The following HIVEP1 variants were observed in gnomAD, a reference collection of about 807,000 sequenced individuals.
HIVEP1 encodes the protein HIVEP zinc finger 1.
A neutral mutation model predicts 180.0 loss-of-function variants in HIVEP1; 36 were observed. The observed-to-expected ratio is 0.20, with a 90% confidence interval of 0.15 to 0.26. The LOEUF (loss-of-function observed/expected upper bound fraction) is 0.26, where lower values mean the gene tolerates loss of function less well. Among genes scored for constraint, HIVEP1 ranks in the 10% least tolerant of loss-of-function variants. HIVEP1 has a pLI of 1.00. For missense variants in HIVEP1, 3,143 were observed against 3,268.7 expected, an observed-to-expected ratio of 0.96 and a Z score of 0.94; for synonymous variants, 1,239 against 1,239.0, an observed-to-expected ratio of 1.00 and a Z score of 0.00.
chr6:12,073,195 G>A (rs1444306485), intron 2 of HIVEP1, among the ~76,000 whole-genome samples: 1 of 152,206 alleles, frequency 6.6e-6, no homozygotes, highest in Non-Finnish European at 1.5e-5. Context: ...TGAAGTTTCA[G>A]TGGAAATAGA....
chr6:12,117,709 A>G (rs1775308683), intron 3 of HIVEP1, among the ~76,000 whole-genome samples: 1 of 152,242 alleles, frequency 6.6e-6, no homozygotes. Flanking sequence ...CTCTGGTTGA[A>G]TAGGTCCTGG....
chr6:12,061,056 G>T (rs1771196101), intron 2 of HIVEP1, among the ~76,000 whole-genome samples: 1 of 152,084 alleles, frequency 6.6e-6, no homozygotes, highest in Admixed American at 6.5e-5. Flanking sequence ...GGGGCAGGGA[G>T]CTCAGGTGTG....
intron 2 of HIVEP1, among the ~76,000 whole-genome samples, chr6:12,078,538 C>A (rs183992067): frequency 1.3e-5 from 2 of 151,474 alleles, no homozygotes; most frequent in African/African-American, 4.8e-5. Flanking sequence ...GAGTTCACTA[C>A]ACTTAGTGGC....
At position 12,161,770 on chromosome 6, in the gene HIVEP1, T is replaced by C. The variant is rs1760418855; in HGVS notation, c.6819T>C (p.Ser2273=). The change falls in exon 8 of 9, where the codon TCT becomes TCC. Residue 2273 remains serine, a synonymous_variant. Coordinates refer to ENST00000379388, the MANE Select transcript of HIVEP1 (RefSeq NM_002114.4). Reference sequence around the variant, plus strand: ...CTGACTACAATAGGAAGACACTCTCTCCGGGGAAGGCCAGGCAGCGTGCTG... The same window carrying C: ...CTGACTACAATAGGAAGACACTCTCCCCGGGGAAGGCCAGGCAGCGTGCTG... The part of the protein sequence containing the change: ...AQSDYNRKTL[S]PGKARQRAAR... The C allele has an allele frequency of 1.2e-6, 2 of 1,613,900 alleles. No homozygotes were observed. Among genetic ancestry groups the C allele is most frequent in the Non-Finnish European group, 1.7e-6 (2 of 1,179,974 alleles).
At chr6:12,177,870 TTGTAA>T in the HIVEP1 span, among the ~76,000 whole-genome samples, 2 of 152,224 alleles carry the variant, frequency 1.3e-5, no homozygotes, top group African/African-American at 2.4e-5. Flanking sequence ...AAATTTATAC[TTGTAA>T]TGTAAAATAT....
At position 12,030,547 on chromosome 6, in the gene HIVEP1, T is replaced by G. The variant is rs1211027064; in HGVS notation, c.40+14879T>G. 2.0e-5 allele frequency among the ~76,000 whole-genome samples: 3 copies of G among 152,340 alleles called. No homozygotes were observed. The East Asian group carries it at 5.8e-4, about 29-fold the overall frequency. On this transcript the variant is annotated intron_variant, in intron 2 of 8. Coordinates refer to ENST00000379388, the MANE Select transcript of HIVEP1 (RefSeq NM_002114.4). Reference sequence around the variant, plus strand: ...ATTGTTTCTCGTACCAGTTCAGATTTGCGGTTGAGTCCCTCTAGTAAATTT... The same window carrying G: ...ATTGTTTCTCGTACCAGTTCAGATTGGCGGTTGAGTCCCTCTAGTAAATTT...
chr6:12,181,707 C>G, the HIVEP1 span, among the ~76,000 whole-genome samples: 1 of 152,156 alleles, frequency 6.6e-6, no homozygotes, highest in South Asian at 2.1e-4. Flanking sequence ...CATTGACGCC[C>G]TCGCTACAGT....
At chr6:12,046,174 T>G (rs986213767) in intron 2 of HIVEP1, among the ~76,000 whole-genome samples, 2 of 152,342 alleles carry the variant, frequency 1.3e-5, no homozygotes, top group East Asian at 1.9e-4. Context: ...TTTATAGACT[T>G]TATGTTCAAA....
At chr6:12,074,619 AGTGTGT>A (rs113951055) in intron 2 of HIVEP1, among the ~76,000 whole-genome samples, 21 of 138,872 alleles carry the variant, frequency 1.5e-4, no homozygotes, top group Admixed American at 5.0e-4. Flanking sequence ...TGTATGAAAA[AGTGTGT>A]GTGTGTGTGT....
At position 12,135,810 on chromosome 6, in the gene HIVEP1, G is replaced by C. The variant is rs1340479277; in HGVS notation, c.6405G>C (p.Met2135Ile). 7.5e-6 allele frequency: 12 copies of C among 1,610,664 alleles called. No homozygotes were observed. The highest frequency in any genetic ancestry group is 2.2e-5 in the East Asian group (1 of 44,778). Residue 2135 changes from methionine to isoleucine, a missense_variant, in exon 7 of 9, where the codon ATG (methionine) becomes ATC (isoleucine). Physicochemically the swap from Met to Ile is conservative, Grantham distance 10 (BLOSUM62 1). Coordinates refer to ENST00000379388, the MANE Select transcript of HIVEP1 (RefSeq NM_002114.4). ...FKTKGNLTKH[M>I]KSKAHSKKCV... Reference sequence around the variant, plus strand: ...CTTAAGGAAATCTGACAAAACACATGAAGTCCAAGGCACATAGCAAGAAAT... The same window carrying C: ...CTTAAGGAAATCTGACAAAACACATCAAGTCCAAGGCACATAGCAAGAAAT...
intron 3 of HIVEP1, among the ~76,000 whole-genome samples, chr6:12,115,602 G>A (rs949290995): frequency 6.6e-6 from 1 of 151,944 alleles, no homozygotes; most frequent in South Asian, 2.1e-4. Context: ...ATTACCGGTA[G>A]CACACTGACA....
chr6:12,012,312 G>C lies in HIVEP1; in HGVS notation c.-358G>C, dbSNP rs1315335932. On this transcript the variant is annotated 5_prime_UTR_variant, in exon 1 of 9. Coordinates refer to ENST00000379388, the MANE Select transcript of HIVEP1 (RefSeq NM_002114.4). ...TATTTCAGTGCTGGGTGGTGTGAGCGCCAGTCGCCGGCCTTCAGCGTGGCG... is the reference window on the plus strand; with the variant it reads ...TATTTCAGTGCTGGGTGGTGTGAGCCCCAGTCGCCGGCCTTCAGCGTGGCG... 9 of 149,396 alleles carry C rather than the reference G, an allele frequency of 6.0e-5. No individual in the cohort carries two copies. In the East Asian group the frequency reaches 1.7e-3, roughly 29 times the overall value. 9.3% of individuals were successfully genotyped at this position (149,396 alleles called of 1,614,324 possible). A position where few individuals can be genotyped will look rare whatever the true frequency, so the allele number is the denominator to read the frequency against.
the HIVEP1 span, among the ~76,000 whole-genome samples, chr6:12,207,359 G>A: frequency 6.6e-6 from 1 of 152,058 alleles, no homozygotes; most frequent in Non-Finnish European, 1.5e-5. Flanking sequence ...TTGTATAGTG[G>A]CATATGAATG....
At chr6:12,055,104 A>G (rs1483929676) in intron 2 of HIVEP1, among the ~76,000 whole-genome samples, 5 of 152,244 alleles carry the variant, frequency 3.3e-5, no homozygotes, top group African/African-American at 1.2e-4. Context: ...TTATACTTGC[A>G]ATAAACATTA....
Position 12,121,179 on chromosome 6 carries a change from C to G in HIVEP1, c.1384C>G (p.Leu462Val), listed in dbSNP as rs775976599. ...GAAATCCCACGCACATACTATCAAACTGGGTCTTGTCTTGCAACCAGATGC... is the reference window on the plus strand; with the variant it reads ...GAAATCCCACGCACATACTATCAAAGTGGGTCTTGTCTTGCAACCAGATGC... ...HKKSHAHTIK[L>V]GLVLQPDAGG... Residue 462 changes from leucine to valine, a missense_variant, in exon 4 of 9, where the codon CTG (leucine) becomes GTG (valine). By Grantham distance (32) the Leu-to-Val change is conservative (BLOSUM62 1). Transcript: ENST00000379388. This position sits in a 1 kb window ranked among gnomAD's most constrained non-coding sequence, Gnocchi z 5.3. 6.2e-7 allele frequency: 1 copy of G among 1,614,080 alleles called. No individual in the cohort carries two copies. The highest frequency in any genetic ancestry group is 1.1e-5 in the South Asian group (1 of 91,072).
chr6:12,011,270 T>C (rs1419600866), upstream of HIVEP1, among the ~76,000 whole-genome samples: 480 of 71,482 alleles, frequency 6.7e-3, no homozygotes, highest in Admixed American at 8.2e-3. Context: ...CCCCTTGGGG[T>C]CCCCCCCCCC....
intron 1 of HIVEP1, among the ~76,000 whole-genome samples, chr6:12,014,546 C>T (rs1767614768): frequency 1.3e-5 from 2 of 152,180 alleles, no homozygotes; most frequent in Non-Finnish European, 2.9e-5. Context: ...CTGTTCTATT[C>T]TTGTGTCTTT....
intron 3 of HIVEP1, among the ~76,000 whole-genome samples, chr6:12,096,929 C>T (rs181778370): frequency 6.6e-6 from 1 of 152,022 alleles, no homozygotes; most frequent in Non-Finnish European, 1.5e-5. Flanking sequence ...ACTGGGAGAA[C>T]ATTTGTACAA....
chr6:12,164,305 A>G lies in HIVEP1; in HGVS notation c.8001A>G (p.Ala2667=). The change falls in exon 9 of 9, where the codon GCA becomes GCG. Residue 2667 remains alanine, a synonymous_variant. Coordinates refer to ENST00000379388, the MANE Select transcript of HIVEP1 (RefSeq NM_002114.4). ...CCACGTCACAACCTCTGCTGAAGGC[A>G]CATTCTGAAGTTTTTACAAAGCCCT... ...PASTSQPLLK[A]HSEVFTKPSG... 6.2e-7 allele frequency: 1 copy of G among 1,614,026 alleles called. No homozygotes were observed. The highest frequency in any genetic ancestry group is 8.5e-7 in the Non-Finnish European group (1 of 1,180,022).
Sources: gnomAD v4.1 joint callset for allele counts (sites outside exome capture counted in the v4.1 genomes callset) on GRCh38, gnomAD v4.1.1 for gene constraint, Gnocchi (gnomAD v3.1) non-coding constraint, MANE v1.5 for transcripts, NCBI Gene and HGNC (gene_info 2026-07-23, HGNC 2026-07-21) for gene names.